The following PCDH11X variants were observed in gnomAD, a reference collection of about 807,000 sequenced individuals.
PCDH11X encodes the protein protocadherin-11 X-linked.
A neutral mutation model predicts 53.3 loss-of-function variants in PCDH11X; 18 were observed. The ratio of observed to expected loss-of-function variants is 0.34; its 90% CI spans 0.23 to 0.50. The LOEUF is 0.50. Ranked by LOEUF, PCDH11X falls within the 20% of genes least tolerant of loss-of-function variation. The pLI, the probability that PCDH11X is intolerant of heterozygous loss-of-function variation, is 0.98. For missense variants in PCDH11X, 570 were observed against 1,032.4 expected (o/e 0.55, Z 6.14); for synonymous variants, 279 against 393.3 (o/e 0.71, Z 3.44).
intron 7 of PCDH11X, among the ~76,000 whole-genome samples, chrX:92,254,908 A>C (rs1240997740): frequency 4.3e-4 from 44 of 101,998 alleles, no homozygotes; most frequent in African/African-American, 1.5e-3. Flanking sequence ...TGAATCTGAC[A>C]ATTATGTGTC....
At chrX:92,248,850 C>T (rs953472122) in intron 7 of PCDH11X, among the ~76,000 whole-genome samples, 1 of 109,917 alleles carries the variant, frequency 9.1e-6, no homozygotes, top group Non-Finnish European at 1.9e-5. Flanking sequence ...TGCAGGCGCC[C>T]ATCACCATGC....
At chrX:92,453,798 G>A (rs2072853355) in intron 9 of PCDH11X, among the ~76,000 whole-genome samples, 2 of 111,002 alleles carry the variant, frequency 1.8e-5, no homozygotes, top group Admixed American at 9.6e-5. Flanking sequence ...AGGTATTTGC[G>A]AATCAGGTGA....
chrX:92,081,394 C>T (rs1382116696), intron 6 of PCDH11X, among the ~76,000 whole-genome samples: 1 of 109,904 alleles, frequency 9.1e-6, no homozygotes, highest in Non-Finnish European at 1.9e-5. Flanking sequence ...TTTCCCTCCC[C>T]AGAACACATT....
rs759806262 is a variant in PCDH11X at position 92,482,135 on chromosome X, A to T, written c.3367+13813A>T. ...TTGGCCATCTTGCTCAGCTCCAATCATTTAACCTCTTAAAGTCTGTTTACT... is the reference window on the plus strand; with the variant it reads ...TTGGCCATCTTGCTCAGCTCCAATCTTTTAACCTCTTAAAGTCTGTTTACT... On this transcript the variant is annotated intron_variant, in intron 10 of 10. Coordinates refer to ENST00000682573, the MANE Select transcript of PCDH11X (RefSeq NM_032968.5). Among the ~76,000 whole-genome samples, 376 of 107,398 alleles carry T rather than the reference A, an allele frequency of 3.5e-3. 2 individuals are homozygous for T. Among genetic ancestry groups the T allele is most frequent in the African/African-American group, 0.012 (356 of 29,447 alleles). The allele number at this position is 107,398 out of a possible 115,157, so 93.3% of individuals were successfully genotyped here.
intron 10 of PCDH11X, among the ~76,000 whole-genome samples, chrX:92,531,020 C>A (rs1360545020): frequency 1.8e-5 from 2 of 109,427 alleles, no homozygotes; most frequent in Non-Finnish European, 3.8e-5. Context: ...CAATGAAGCT[C>A]CCACATGTGA....
chrX:92,553,218 G>A (rs1173267677), intron 10 of PCDH11X, among the ~76,000 whole-genome samples: 2 of 35,855 alleles, frequency 5.6e-5, no homozygotes, highest in Non-Finnish European at 1.5e-4. Context: ...TTTTAACTGG[G>A]ATTTTTTTTT....
At chrX:92,103,582 A>G (rs1465072038) in intron 6 of PCDH11X, among the ~76,000 whole-genome samples, 1 of 111,835 alleles carries the variant, frequency 8.9e-6, no homozygotes, top group Non-Finnish European at 1.9e-5. Context: ...AGTGGCTGCC[A>G]GGTGAGTTGA....
chrX:92,347,817 T>G (rs767939648), intron 8 of PCDH11X, among the ~76,000 whole-genome samples: 24 of 112,149 alleles, frequency 2.1e-4, no homozygotes, highest in African/African-American at 7.1e-4. Context: ...TCCACAGAAA[T>G]AGTTGGGTCT....
intron 6 of PCDH11X, among the ~76,000 whole-genome samples, chrX:91,910,273 CTG>C (rs1941327697): frequency 9.5e-6 from 1 of 105,088 alleles, no homozygotes. Context: ...AATAAAAACA[CTG>C]TGTTTCCCTG....
In PCDH11X at chrX:92,618,359, C is replaced by A; in HGVS notation, c.3463C>A (p.Pro1155Thr). 1 of 1,211,781 alleles carries A rather than the reference C, an allele frequency of 8.3e-7. No homozygotes were observed. The highest frequency in any genetic ancestry group is 1.8e-5 in the South Asian group (1 of 56,973). Residue 1155 changes from proline (P) to threonine (T), a missense_variant, in exon 11 of 11, where the codon CCG (proline) becomes ACG (threonine). Coordinates refer to ENST00000682573, the MANE Select transcript of PCDH11X (RefSeq NM_032968.5). The stretch of plus-strand genomic sequence containing the variant: ...TGGCCATTCTGATGCCTGCTGGATG[C>A]CGGCATCTCTGGATCATTCCAGCTC... ...IYGHSDACWM[P>T]ASLDHSSSSQ...
At chrX:91,883,588 G>A (rs1569426594) in intron 6 of PCDH11X, 3 of 627,171 alleles carry the variant, frequency 4.8e-6, no homozygotes, top group Non-Finnish European at 5.7e-6. Context: ...GGTGGATCAC[G>A]AGGTCAGGAG....
chrX:91,800,025 G>C (rs1365435683), intron 1 of PCDH11X, among the ~76,000 whole-genome samples: 2 of 112,553 alleles, frequency 1.8e-5, no homozygotes, highest in East Asian at 5.6e-4. Context: ...GGAGGCGGAG[G>C]TTGCAGTGAG....
At chrX:92,082,889 T>TAAGTATATAA (rs200013734) in intron 6 of PCDH11X, among the ~76,000 whole-genome samples, 1 of 110,192 alleles carries the variant, frequency 9.1e-6, no homozygotes, top group Non-Finnish European at 1.9e-5. Flanking sequence ...TACAAATATT[T>TAAGTATATAA]AAATTTAAGT....
chrX:92,103,464 T>C, intron 6 of PCDH11X, among the ~76,000 whole-genome samples: 1 of 111,002 alleles, frequency 9.0e-6, no homozygotes, highest in East Asian at 2.9e-4. Context: ...TCGGCGTCCG[T>C]GATGGTCTAC....
intron 6 of PCDH11X, among the ~76,000 whole-genome samples, chrX:92,038,243 A>G (rs982051713): frequency 1.9e-5 from 2 of 105,672 alleles, no homozygotes; most frequent in Non-Finnish European, 3.9e-5. Flanking sequence ...AGGGCATGTT[A>G]GAGGTCTTCA....
At chrX:92,548,450 C>T (rs1489122045) in intron 10 of PCDH11X, among the ~76,000 whole-genome samples, 1 of 111,946 alleles carries the variant, frequency 8.9e-6, no homozygotes, top group Admixed American at 9.5e-5. Flanking sequence ...GGATTGCAGG[C>T]ATGAGCCATC....
chrX:92,012,526 A>C (rs2062709958), intron 6 of PCDH11X, among the ~76,000 whole-genome samples: 1 of 111,848 alleles, frequency 8.9e-6, no homozygotes, highest in Non-Finnish European at 1.9e-5. Flanking sequence ...ACTTTTCGCA[A>C]GTTTGTTCTT....
rs753479726 is a variant in PCDH11X, at chrX:92,152,337, C to T, written c.3034-49038C>T. 1.8e-3 allele frequency among the ~76,000 whole-genome samples: 190 copies of T among 103,896 alleles called. 3 individuals are homozygous for T. The highest frequency in any genetic ancestry group is 6.5e-3 in the African/African-American group (185 of 28,536). 90.2% of individuals were successfully genotyped at this position (103,896 alleles called of 115,157 possible). On this transcript the variant is annotated intron_variant, in intron 6 of 10. Transcript: ENST00000682573. ...TTATTTTTAGTATTAGTCAGATAGT[C>T]CAGTCAATATAATTTTATGTACTTT...
chrX:92,268,324 ACT>A (rs1341227234), intron 8 of PCDH11X, among the ~76,000 whole-genome samples: 1 of 108,848 alleles, frequency 9.2e-6, no homozygotes, highest in Admixed American at 9.9e-5. Flanking sequence ...ACAGAGTCTC[ACT>A]CTGTCACCAA....
Sources: allele counts gnomAD v4.1 joint callset (sites outside exome capture counted in the v4.1 genomes callset), GRCh38; gene constraint gnomAD v4.1.1; transcripts MANE v1.5; gene names NCBI Gene and HGNC (gene_info 2026-07-23, HGNC 2026-07-21).